The following EYS variants were observed in gnomAD, a reference collection of about 807,000 sequenced individuals.
EYS encodes the protein protein eyes shut homolog.
In EYS, 250 loss-of-function variants were observed where a neutral mutation model predicts 282.1. The observed-to-expected ratio is 0.89, with a 90% CI of 0.80 to 0.98. The LOEUF (loss-of-function observed/expected upper bound fraction) is 0.98. Ranked by LOEUF, EYS falls within the 50% of genes least tolerant of loss-of-function variation. EYS has a pLI of 0.00. For missense variants in EYS, 4,016 were observed against 3,709.0 expected (o/e 1.08, Z -2.15); for synonymous variants, 1,355 against 1,282.9 (o/e 1.06, Z -1.20).
intron 14 of EYS, among the ~76,000 whole-genome samples, chr6:64,987,600 T>G (rs41353345): frequency 0.028 from 4,281 of 151,528 alleles, 203 homozygotes; most frequent in African/African-American, 0.097. Context: ...GTACAGCATA[T>G]GTAGGACAGA....
At position 63,840,235 on chromosome 6, in the gene EYS, A is replaced by ATTATTATTATTG. The variant is rs112733240; in HGVS notation, c.7228+23950_7228+23951insCAATAATAATAA. On this transcript the variant is annotated intron_variant, in intron 36 of 42. Coordinates refer to ENST00000503581, the MANE Select transcript of EYS (RefSeq NM_001142800.2). ...TCTTATTATTATTATTATTATTATT[A>ATTATTATTATTG]TTGTATTTTTAGTAGAGACAGGGTT... Among the ~76,000 whole-genome samples the ATTATTATTATTG allele has an allele frequency of 3.0e-3, 441 of 145,984 alleles. 1 individual carries two copies. Among genetic ancestry groups the ATTATTATTATTG allele is most frequent in the African/African-American group, 4.1e-3 (161 of 39,722 alleles).
intron 1 of EYS, among the ~76,000 whole-genome samples, chr6:65,660,681 T>C (rs1767975428): frequency 6.6e-6 from 1 of 151,804 alleles, no homozygotes; most frequent in African/African-American, 2.4e-5. Flanking sequence ...TACGTTTGAA[T>C]ATAACATGAA....
chr6:64,993,995 A>G (rs1771164836), intron 14 of EYS, among the ~76,000 whole-genome samples: 1 of 151,716 alleles, frequency 6.6e-6, no homozygotes, highest in African/African-American at 2.4e-5. Context: ...GCTGTTATCA[A>G]AAATAAGCAT....
intron 31 of EYS, among the ~76,000 whole-genome samples, chr6:64,195,777 C>T (rs1765269294): frequency 1.3e-5 from 2 of 152,010 alleles, no homozygotes; most frequent in African/African-American, 4.8e-5. Flanking sequence ...TACTCATTTT[C>T]TCAGTGTATT....
intron 26 of EYS, among the ~76,000 whole-genome samples, chr6:64,523,204 C>T (rs1202232568): frequency 6.6e-6 from 1 of 151,688 alleles, no homozygotes. Context: ...AACCAATGTG[C>T]TCAGAGAATT....
In EYS at chr6:64,172,966, G is replaced by C. The variant is rs560022207; in HGVS notation, c.6424+57626C>G. On this transcript the variant is annotated intron_variant, in intron 31 of 42. Coordinates refer to ENST00000503581, the MANE Select transcript of EYS (RefSeq NM_001142800.2). ...GCCTTCCGCGAAACCGGTCCCTGTT[G>C]TCAAAAAGTTTGGGATCGCTGCTTT... Among the ~76,000 whole-genome samples, 17 of 152,218 alleles carry C rather than the reference G, an allele frequency of 1.1e-4. No homozygotes were observed. In the South Asian group the frequency reaches 3.1e-3, roughly 28 times the overall value.
intron 35 of EYS, among the ~76,000 whole-genome samples, chr6:63,951,532 C>A (rs1188298503): frequency 5.3e-5 from 8 of 152,204 alleles, no homozygotes; most frequent in Non-Finnish European, 1.0e-4. Context: ...TCTACCGACC[C>A]ATCTGACTTC....
intron 29 of EYS, among the ~76,000 whole-genome samples, chr6:64,351,319 A>G (rs1315568692): frequency 6.6e-6 from 1 of 151,526 alleles, no homozygotes; most frequent in African/African-American, 2.4e-5. Context: ...TGTAGCAAAC[A>G]TGGAAAGAAT....
At chr6:64,941,198 T>C (rs144091376) in intron 15 of EYS, among the ~76,000 whole-genome samples, 3,876 of 151,948 alleles carry the variant, frequency 0.026, 142 homozygotes, top group African/African-American at 0.078. Context: ...CTGGCTAACA[T>C]GGTGAAACTC....
At chr6:64,925,535 C>G (rs1768488193) in intron 15 of EYS, among the ~76,000 whole-genome samples, 1 of 152,140 alleles carries the variant, frequency 6.6e-6, no homozygotes, top group Non-Finnish European at 1.5e-5. Context: ...TAGCAGAGGT[C>G]ATATGAGGCT....
intron 12 of EYS, among the ~76,000 whole-genome samples, chr6:65,094,317 G>GAAAAAAAAAAAAAAAAAAAAAA (rs35028634): frequency 1.4e-5 from 1 of 73,816 alleles, no homozygotes; most frequent in East Asian, 4.8e-4. Context: ...ATATCTTAAC[G>GAAAAAAAAAAAAAAAAAAAAAA]AAAAAAAAAA....
intron 28 of EYS, chr6:64,412,524 GC>G (rs1414331216): frequency 6.6e-6 from 1 of 152,026 alleles, no homozygotes; most frequent in Non-Finnish European, 1.5e-5. Flanking sequence ...AAAGGAGAAG[GC>G]ATTTGAGATG....
intron 31 of EYS, among the ~76,000 whole-genome samples, chr6:64,103,331 T>C (rs1006185312): frequency 1.4e-4 from 22 of 152,208 alleles, no homozygotes; most frequent in Non-Finnish European, 1.5e-5. Flanking sequence ...ATAAAAATAT[T>C]TCAAATGAAC....
At chr6:64,932,327 A>G (rs1019342827) in intron 15 of EYS, among the ~76,000 whole-genome samples, 1 of 151,508 alleles carries the variant, frequency 6.6e-6, no homozygotes, top group African/African-American at 2.4e-5. Flanking sequence ...ACTCTGAAAA[A>G]CTCCATTCTC....
chr6:65,312,553 T>C (rs1269460383), intron 11 of EYS, among the ~76,000 whole-genome samples: 1 of 152,084 alleles, frequency 6.6e-6, no homozygotes, highest in Non-Finnish European at 1.5e-5. Context: ...CCCCCACCCA[T>C]GTCTAGGGAT....
chr6:64,395,802 A>G (rs1773349890), intron 28 of EYS, among the ~76,000 whole-genome samples: 1 of 152,010 alleles, frequency 6.6e-6, no homozygotes, highest in African/African-American at 2.4e-5. Context: ...AAGAAAAAAA[A>G]ACAAAAAAAC....
intron 35 of EYS, among the ~76,000 whole-genome samples, chr6:63,970,160 C>T (rs1370492993): frequency 6.6e-6 from 1 of 152,200 alleles, no homozygotes; most frequent in Non-Finnish European, 1.5e-5. Flanking sequence ...GCCCTGACAC[C>T]TGCAGAATTG....
At chr6:65,085,334 G>C (rs1229379525) in intron 12 of EYS, among the ~76,000 whole-genome samples, 2 of 152,038 alleles carry the variant, frequency 1.3e-5, no homozygotes, top group Non-Finnish European at 2.9e-5. Flanking sequence ...ATTTCTCAGT[G>C]TTCTTTCTCA....
chr6:63,922,456 G>A (rs947162230), intron 35 of EYS, among the ~76,000 whole-genome samples: 1 of 152,014 alleles, frequency 6.6e-6, no homozygotes, highest in East Asian at 1.9e-4. Flanking sequence ...CCAACTACTT[G>A]GGAGGCTGAG....
Sources: gnomAD v4.1 joint callset for allele counts (sites outside exome capture counted in the v4.1 genomes callset) on GRCh38, gnomAD v4.1.1 for gene constraint, MANE v1.5 for transcripts, NCBI Gene and HGNC (gene_info 2026-07-23, HGNC 2026-07-21) for gene names.